Variants in ERBB4 observed in about 807,000 individuals in gnomAD.
The protein encoded by ERBB4 is receptor tyrosine-protein kinase erbB-4.
A neutral mutation model predicts 158.0 loss-of-function variants in ERBB4; 42 were observed. The ratio of observed to expected loss-of-function variants is 0.27; its 90% CI spans 0.21 to 0.34. The LOEUF (loss-of-function observed/expected upper bound fraction) is 0.34, where lower values mean the gene tolerates loss of function less well. Among genes scored for constraint, ERBB4 ranks in the 10% least tolerant of loss-of-function variants. The pLI, the probability that ERBB4 is intolerant of heterozygous loss-of-function variation, is 1.00. For missense variants in ERBB4, 1,333 were observed against 1,624.1 expected, an observed-to-expected ratio of 0.82 and a Z score of 3.08; for synonymous variants, 583 against 558.7, an observed-to-expected ratio of 1.04 and a Z score of -0.61.
intron 19 of ERBB4, among the ~76,000 whole-genome samples, chr2:211,562,840 C>T (rs1157688901): frequency 2.8e-5 from 4 of 141,132 alleles, no homozygotes; most frequent in Non-Finnish European, 6.0e-5. Context: ...GGCGGGATCT[C>T]GGCTCACTGC....
At chr2:212,519,705 G>A (rs1692042960) in intron 1 of ERBB4, among the ~76,000 whole-genome samples, 1 of 151,846 alleles carries the variant, frequency 6.6e-6, no homozygotes, top group African/African-American at 2.4e-5. Flanking sequence ...TAAATACAAG[G>A]AGCTAAAAAA....
intron 1 of ERBB4, among the ~76,000 whole-genome samples, chr2:212,448,749 A>C (rs2092401551): frequency 6.6e-6 from 1 of 152,118 alleles, no homozygotes; most frequent in African/African-American, 2.4e-5. Flanking sequence ...CAGTTACTAA[A>C]AAAAACTTAC....
chr2:212,123,096 TC>T, intron 2 of ERBB4, among the ~76,000 whole-genome samples: 1 of 152,182 alleles, frequency 6.6e-6, no homozygotes, highest in African/African-American at 2.4e-5. Flanking sequence ...GAACAACAGC[TC>T]CCTCAAAAAG....
At chr2:211,581,223 T>TA (rs1361336129) in intron 19 of ERBB4, among the ~76,000 whole-genome samples, 1 of 151,650 alleles carries the variant, frequency 6.6e-6, no homozygotes, top group African/African-American at 2.4e-5. Flanking sequence ...CTAAAGAACT[T>TA]ACTCATGTAA....
At position 212,373,907 on chromosome 2, in the gene ERBB4, G is replaced by GTATATATCTATA. The variant is rs1560146392; in HGVS notation, c.82+164541_82+164542insTATAGATATATA. On this transcript the variant is annotated intron_variant, in intron 1 of 27. Coordinates refer to ENST00000342788, the MANE Select transcript of ERBB4 (RefSeq NM_005235.3). ...TATATATCCATATATATATATCCAT[G>GTATATATCTATA]TATATATCCATATATATATATCCAT... Among the ~76,000 whole-genome samples, 362 of 76,154 alleles carry GTATATATCTATA rather than the reference G, an allele frequency of 4.8e-3. 47 individuals carry two copies. Among genetic ancestry groups the GTATATATCTATA allele is most frequent in the Middle Eastern group, 0.014 (1 of 74 alleles). The allele number at this position is 76,154 out of a possible 152,430, so 50.0% of individuals were successfully genotyped here. A position where few individuals can be genotyped will look rare whatever the true frequency, so the allele number is the denominator to read the frequency against.
chr2:211,437,759 T>C (rs2063886309), intron 20 of ERBB4, among the ~76,000 whole-genome samples: 1 of 150,982 alleles, frequency 6.6e-6, no homozygotes, highest in Non-Finnish European at 1.5e-5. Context: ...ATTTTTTTTT[T>C]CTGTTTTCAT....
chr2:211,751,045 C>T (rs1471794666), intron 4 of ERBB4, among the ~76,000 whole-genome samples: 1 of 152,050 alleles, frequency 6.6e-6, no homozygotes, highest in East Asian at 1.9e-4. Flanking sequence ...TTGATCTATT[C>T]TACTTGATAT....
chr2:211,848,727 G>C (rs2077650684), intron 3 of ERBB4, among the ~76,000 whole-genome samples: 1 of 151,998 alleles, frequency 6.6e-6, no homozygotes, highest in Admixed American at 6.6e-5. Flanking sequence ...TTAGGCACCT[G>C]GAAGTCACCC....
chr2:211,950,672 G>T (rs149897825), intron 2 of ERBB4, among the ~76,000 whole-genome samples: 1 of 152,092 alleles, frequency 6.6e-6, no homozygotes, highest in African/African-American at 2.4e-5. Flanking sequence ...GGGATATATG[G>T]AATTACTCAT....
intron 20 of ERBB4, among the ~76,000 whole-genome samples, chr2:211,524,368 C>T (rs12476950): frequency 6.6e-5 from 10 of 151,772 alleles, no homozygotes; most frequent in African/African-American, 2.4e-4. Flanking sequence ...AGTCCCACGC[C>T]ATGCGCCCAC....
At chr2:211,727,280 G>A (rs1287120778) in intron 5 of ERBB4, among the ~76,000 whole-genome samples, 1 of 152,008 alleles carries the variant, frequency 6.6e-6, no homozygotes, top group East Asian at 1.9e-4. Context: ...GCTTTACATG[G>A]TCCCTATTAA....
chr2:211,903,736 G>A (rs1300650819), intron 3 of ERBB4, among the ~76,000 whole-genome samples: 1 of 151,282 alleles, frequency 6.6e-6, no homozygotes, highest in Non-Finnish European at 1.5e-5. Flanking sequence ...AAAAAAAGAG[G>A]TTTGTATTAA....
In ERBB4 at chr2:211,891,944, C is replaced by T. The variant is rs992794636; in HGVS notation, c.421+55486G>A. Among the ~76,000 whole-genome samples the T allele has an allele frequency of 1.5e-5, 2 of 137,582 alleles. 1 individual carries two copies. The highest frequency in any genetic ancestry group is 5.9e-5 in the African/African-American group (2 of 33,966). The allele number at this position is 137,582 out of a possible 152,430, so 90.3% of individuals were successfully genotyped here. A position where few individuals can be genotyped will look rare whatever the true frequency, so the allele number is the denominator to read the frequency against. On this transcript the variant is annotated intron_variant, in intron 3 of 27. Coordinates refer to ENST00000342788, the MANE Select transcript of ERBB4 (RefSeq NM_005235.3). ...TTTACCAACCAAAAAGAGTCCAGGA[C>T]CAGATGGATTCACAGCTGACTTCTA...
rs968199902 is a variant in ERBB4 at position 211,524,456 on chromosome 2, G to A, written c.2487+37447C>T. 1.1e-4 allele frequency among the ~76,000 whole-genome samples: 17 copies of A among 150,968 alleles called. 1 individual carries two copies. The highest frequency in any genetic ancestry group is 9.9e-5 in the African/African-American group (4 of 40,346). On this transcript the variant is annotated intron_variant, in intron 20 of 27. Transcript: ENST00000342788. The stretch of plus-strand genomic sequence containing the variant: ...GGTGCTCGTCGGGGAGGCTCGGGCC[G>A]CACAGGAGCCCATGGAGTGGGTGGG...
intron 2 of ERBB4, among the ~76,000 whole-genome samples, chr2:212,023,701 A>G (rs2076709178): frequency 1.3e-5 from 2 of 151,900 alleles, no homozygotes; most frequent in African/African-American, 2.4e-5. Context: ...ATTTCTGCTA[A>G]TTCAACTTTT....
At chr2:212,468,446 G>A (rs567277495) in intron 1 of ERBB4, among the ~76,000 whole-genome samples, 6 of 152,228 alleles carry the variant, frequency 3.9e-5, no homozygotes, top group South Asian at 2.1e-4. Context: ...ACAATCTGAT[G>A]GTTTTAAAAA....
At chr2:212,211,288 C>T (rs984160582) in intron 1 of ERBB4, among the ~76,000 whole-genome samples, 1 of 152,094 alleles carries the variant, frequency 6.6e-6, no homozygotes, top group Non-Finnish European at 1.5e-5. Flanking sequence ...ACTGAAAACA[C>T]TTTCTGGAGA....
chr2:211,479,824 T>G (rs903191902), intron 20 of ERBB4, among the ~76,000 whole-genome samples: 6 of 152,162 alleles, frequency 3.9e-5, no homozygotes, highest in African/African-American at 1.4e-4. Context: ...ACAGCTCAAA[T>G]TACAATATGT....
At chr2:211,906,980 G>C (rs1178577747) in intron 3 of ERBB4, among the ~76,000 whole-genome samples, 3 of 151,612 alleles carry the variant, frequency 2.0e-5, no homozygotes, top group Non-Finnish European at 2.9e-5. Context: ...ACCAGCGCTT[G>C]ATTGTGCCAT....
Sources: gnomAD v4.1 joint callset for allele counts (sites outside exome capture counted in the v4.1 genomes callset) on GRCh38, gnomAD v4.1.1 for gene constraint, MANE v1.5 for transcripts, NCBI Gene and HGNC (gene_info 2026-07-23, HGNC 2026-07-21) for gene names.